Variants in HGSNAT observed in about 807,000 individuals in gnomAD.
HGSNAT encodes heparan-alpha-glucosaminide N-acetyltransferase, also known as transmembrane protein 76.
A neutral mutation model predicts 85.2 loss-of-function variants in HGSNAT; 59 were observed. The observed-to-expected ratio is 0.69, with a 90% CI of 0.56 to 0.86. HGSNAT has a LOEUF of 0.86. Ranked by LOEUF, HGSNAT falls within the 40% of genes least tolerant of loss-of-function variation. The probability of loss-of-function intolerance (pLI) is 0.00; values close to 1 mark genes in which losing one functional copy is unlikely to be tolerated. For synonymous variants in HGSNAT, 321 were observed against 304.5 expected, an observed-to-expected ratio of 1.05 and a Z score of -0.56; for missense variants, 756 against 777.1, an observed-to-expected ratio of 0.97 and a Z score of 0.32.
intron 11 of HGSNAT, among the ~76,000 whole-genome samples, chr8:43,190,630 G>T (rs1281253933): frequency 6.6e-6 from 1 of 152,090 alleles, no homozygotes; most frequent in Non-Finnish European, 1.5e-5. Context: ...ATAGGGTCAG[G>T]GGTTCAGTGG....
At chr8:43,161,584 T>G in intron 5 of HGSNAT, 77 bp downstream of exon 5, 1 of 1,071,408 alleles carries the variant, frequency 9.3e-7, no homozygotes, top group Non-Finnish European at 1.4e-6. Context: ...GCTGTCACCC[T>G]CAAGTGGCCA....
chr8:43,181,919 CATG>C, intron 10 of HGSNAT: 1 of 536,352 alleles, frequency 1.9e-6, no homozygotes, highest in Non-Finnish European at 3.3e-6. Flanking sequence ...GAGTTTGAGC[CATG>C]TCCCTGACTG....
chr8:43,198,104 C>T (rs1479190888), intron 17 of HGSNAT, among the ~76,000 whole-genome samples, 152 bp downstream of exon 17: 1 of 152,130 alleles, frequency 6.6e-6, no homozygotes, highest in East Asian at 1.9e-4. Context: ...GCAGGGCCCA[C>T]ATTGTCCCAG....
At chr8:43,140,911 C>A (rs1210455890) in intron 1 of HGSNAT, among the ~76,000 whole-genome samples, 1 of 152,180 alleles carries the variant, frequency 6.6e-6, no homozygotes, top group Non-Finnish European at 1.5e-5. Context: ...TGGCGCCTTC[C>A]GTCTAAACAG....
intron 11 of HGSNAT, among the ~76,000 whole-genome samples, chr8:43,188,926 T>C (rs543290735): frequency 1.3e-5 from 2 of 152,350 alleles, no homozygotes; most frequent in African/African-American, 4.8e-5. Context: ...CTCCAGACCC[T>C]GTTTGCCTGG....
intron 2 of HGSNAT, among the ~76,000 whole-genome samples, chr8:43,152,636 T>C (rs1052139135): frequency 6.6e-6 from 1 of 152,098 alleles, no homozygotes; most frequent in Non-Finnish European, 1.5e-5. Flanking sequence ...TTAAAAATTT[T>C]TGTGGAGACA....
chr8:43,185,755 T>C (rs1804284836), intron 11 of HGSNAT, among the ~76,000 whole-genome samples: 1 of 152,238 alleles, frequency 6.6e-6, no homozygotes, highest in Admixed American at 6.5e-5. Flanking sequence ...GTCCATTCAG[T>C]ATGATATTGG....
intron 5 of HGSNAT, among the ~76,000 whole-genome samples, chr8:43,165,342 C>G (rs1179094000): frequency 6.6e-6 from 1 of 151,978 alleles, no homozygotes. Flanking sequence ...TCTGACTGTT[C>G]CACCCACTGA....
intron 2 of HGSNAT, among the ~76,000 whole-genome samples, chr8:43,153,513 A>AT (rs772162071): frequency 2.0e-5 from 3 of 152,168 alleles, no homozygotes; most frequent in Non-Finnish European, 4.4e-5. Flanking sequence ...TTGGGTAATG[A>AT]TCAAGTTAGG....
At chr8:43,189,796 C>T (rs944313693) in intron 11 of HGSNAT, among the ~76,000 whole-genome samples, 1 of 152,210 alleles carries the variant, frequency 6.6e-6, no homozygotes, top group Non-Finnish European at 1.5e-5. Context: ...TGGAGTTTCA[C>T]TGTGTTAGCC....
intron 2 of HGSNAT, among the ~76,000 whole-genome samples, chr8:43,156,703 G>A (rs1199516750): frequency 6.6e-6 from 1 of 152,240 alleles, no homozygotes; most frequent in African/African-American, 2.4e-5. Context: ...AATGTTGGGT[G>A]CAAATATATT....
intron 9 of HGSNAT, among the ~76,000 whole-genome samples, chr8:43,174,813 A>G (rs376220195): frequency 5.9e-5 from 9 of 152,306 alleles, no homozygotes; most frequent in African/African-American, 2.2e-4. Context: ...ACAGTAAATT[A>G]TTGTTGACTG....
chr8:43,174,472 T>C (rs1803741563), intron 9 of HGSNAT, among the ~76,000 whole-genome samples: 1 of 152,206 alleles, frequency 6.6e-6, no homozygotes, highest in African/African-American at 2.4e-5. Flanking sequence ...GTTGAGTAGC[T>C]CAATTCTGTC....
chr8:43,182,896 T>A (rs1037686519), intron 11 of HGSNAT, among the ~76,000 whole-genome samples: 1 of 152,248 alleles, frequency 6.6e-6, no homozygotes, highest in African/African-American at 2.4e-5. Flanking sequence ...GTCAATTTTT[T>A]TATTATAAAA....
At chr8:43,170,716 A>G in intron 7 of HGSNAT, 22 bp downstream of exon 7, 2 of 1,491,830 alleles carry the variant, frequency 1.3e-6, no homozygotes, top group East Asian at 2.3e-5. Flanking sequence ...TCCCTGTAGC[A>G]CAGTGGGTGC....
At chr8:43,169,469 G>C (rs914361795) in intron 6 of HGSNAT, among the ~76,000 whole-genome samples, 1 of 152,186 alleles carries the variant, frequency 6.6e-6, no homozygotes, top group African/African-American at 2.4e-5. Flanking sequence ...CAGGATACCT[G>C]AGGTAGAGAC....
At chr8:43,189,364 C>T (rs149914988) in intron 11 of HGSNAT, among the ~76,000 whole-genome samples, 3,541 of 152,242 alleles carry the variant, frequency 0.023, 130 homozygotes, top group African/African-American at 0.08. Flanking sequence ...CTCGCTGCCA[C>T]CTTGCAGTTT....
chr8:43,173,874 T>C, intron 9 of HGSNAT, 131 bp downstream of exon 9: 2 of 921,548 alleles, frequency 2.2e-6, no homozygotes, highest in South Asian at 3.2e-5. Context: ...AAAGTCCTGT[T>C]ACTGGATAGT....
chr8:43,176,000 T>C (rs985023175), intron 9 of HGSNAT, among the ~76,000 whole-genome samples: 4 of 152,234 alleles, frequency 2.6e-5, no homozygotes, highest in African/African-American at 9.6e-5. Context: ...ATGGGTTGTC[T>C]CTTCACTTTG....
Sources: allele counts gnomAD v4.1 joint callset (sites outside exome capture counted in the v4.1 genomes callset), GRCh38; gene constraint gnomAD v4.1.1; transcripts MANE v1.5; gene names NCBI Gene and HGNC (gene_info 2026-07-23, HGNC 2026-07-21).